The following MYOM1 variants were observed in gnomAD, a reference collection of about 807,000 sequenced individuals.
MYOM1 encodes the protein myomesin-1.
A neutral mutation model predicts 205.3 loss-of-function variants in MYOM1; 164 were observed. That is an observed-to-expected ratio of 0.80 (90% CI 0.70 to 0.91). The LOEUF (loss-of-function observed/expected upper bound fraction) is 0.91, where lower values mean the gene tolerates loss of function less well. Among genes scored for constraint, MYOM1 ranks in the 40% least tolerant of loss-of-function variants. The pLI is 0.00. For missense variants in MYOM1, 2,011 were observed against 2,127.3 expected, an observed-to-expected ratio of 0.95 and a Z score of 1.08; for synonymous variants, 772 against 789.4, an observed-to-expected ratio of 0.98 and a Z score of 0.37.
chr18:3,070,796 C>G (rs1344212521), intron 37 of MYOM1, among the ~76,000 whole-genome samples: 3 of 148,394 alleles, frequency 2.0e-5, no homozygotes, highest in African/African-American at 7.4e-5. Context: ...GTTTGTATGA[C>G]AGGGTGTCTG....
At chr18:3,197,812 G>A (rs551313331) in intron 2 of MYOM1, among the ~76,000 whole-genome samples, 5 of 152,122 alleles carry the variant, frequency 3.3e-5, no homozygotes, top group Admixed American at 1.3e-4. Flanking sequence ...GGCAGAGCTT[G>A]CAGTGAGCCG....
intron 5 of MYOM1, among the ~76,000 whole-genome samples, chr18:3,186,311 G>C (rs2080808610): frequency 6.6e-6 from 1 of 152,154 alleles, no homozygotes; most frequent in Non-Finnish European, 1.5e-5. Flanking sequence ...GAAAAGAAAG[G>C]AGAAGGACGC....
At chr18:3,234,717 G>A in the MYOM1 span, among the ~76,000 whole-genome samples, 20 of 152,166 alleles carry the variant, frequency 1.3e-4, no homozygotes, top group African/African-American at 4.8e-4. Flanking sequence ...CCTAATTATT[G>A]TTCCATTGAA....
At chr18:3,105,030 T>C (rs1325016729) in intron 22 of MYOM1, among the ~76,000 whole-genome samples, 1 of 152,152 alleles carries the variant, frequency 6.6e-6, no homozygotes. Context: ...ATTACAGACA[T>C]GAGCCACTGT....
chr18:3,168,017 A>C (rs1209402678), intron 9 of MYOM1, among the ~76,000 whole-genome samples: 1 of 152,154 alleles, frequency 6.6e-6, no homozygotes. Flanking sequence ...CATTTTATCT[A>C]TTTTTGTGTC....
At chr18:3,210,370 C>T (rs753289409) in intron 2 of MYOM1, among the ~76,000 whole-genome samples, 4 of 152,080 alleles carry the variant, frequency 2.6e-5, no homozygotes, top group African/African-American at 4.8e-5. Flanking sequence ...CTGGGTGACA[C>T]GTGGGAGTGG....
upstream of MYOM1, among the ~76,000 whole-genome samples, chr18:3,224,825 G>A (rs928714249): frequency 6.6e-6 from 1 of 151,654 alleles, no homozygotes; most frequent in African/African-American, 2.4e-5. Flanking sequence ...CACCATGCCC[G>A]GCTAATTTTT....
chr18:3,121,736 G>A (rs1010691559), intron 19 of MYOM1, among the ~76,000 whole-genome samples: 2 of 152,036 alleles, frequency 1.3e-5, no homozygotes, highest in Non-Finnish European at 2.9e-5. Flanking sequence ...AAAGAAACTC[G>A]GAATCTATAA....
At chr18:3,103,275 T>C (rs539605771) in intron 22 of MYOM1, among the ~76,000 whole-genome samples, 14 of 152,342 alleles carry the variant, frequency 9.2e-5, no homozygotes, top group African/African-American at 3.4e-4. Context: ...ATTAGAGTGA[T>C]AGCAACTGAG....
At chr18:3,067,784 G>A (rs2078915200) in intron 37 of MYOM1, among the ~76,000 whole-genome samples, 1 of 152,162 alleles carries the variant, frequency 6.6e-6, no homozygotes, top group Non-Finnish European at 1.5e-5. Context: ...GCCTTTATAT[G>A]CTTTCTGGCT....
intron 37 of MYOM1, among the ~76,000 whole-genome samples, chr18:3,068,101 C>T (rs1022496541): frequency 6.6e-6 from 1 of 152,112 alleles, no homozygotes; most frequent in African/African-American, 2.4e-5. Flanking sequence ...TGGTCCCCTA[C>T]CAAAACGTAT....
chr18:3,129,142 G>C, intron 18 of MYOM1, 90 bp downstream of exon 18: 3 of 1,443,120 alleles, frequency 2.1e-6, no homozygotes, highest in Non-Finnish European at 2.8e-6. Flanking sequence ...ATTGATGAAA[G>C]CAAACATGGA....
intron 25 of MYOM1, among the ~76,000 whole-genome samples, chr18:3,099,264 T>C (rs973697372): frequency 4.6e-5 from 7 of 152,192 alleles, no homozygotes; most frequent in African/African-American, 1.4e-4. Context: ...ACAGTCTCCA[T>C]TGGGGAATTT....
At chr18:3,205,389 A>AT (rs1260053336) in intron 2 of MYOM1, among the ~76,000 whole-genome samples, 1 of 152,180 alleles carries the variant, frequency 6.6e-6, no homozygotes, top group African/African-American at 2.4e-5. Context: ...AAAAAATCCA[A>AT]TTAAAAAATG....
At chr18:3,165,782 T>A (rs2080458925) in intron 9 of MYOM1, among the ~76,000 whole-genome samples, 2 of 152,198 alleles carry the variant, frequency 1.3e-5, no homozygotes, top group Admixed American at 1.3e-4. Context: ...GCTGCCTCCA[T>A]GCCGAGCCCC....
In MYOM1 at chr18:3,164,454, A is replaced by G. The variant is rs1221990245; in HGVS notation, c.1340-15T>C. 1.3e-6 allele frequency: 2 copies of G among 1,567,770 alleles called. No individual in the cohort carries two copies. Among genetic ancestry groups the G allele is most frequent in the Non-Finnish European group, 1.7e-6 (2 of 1,160,604 alleles). On this transcript the variant is annotated splice_polypyrimidine_tract_variant and intron_variant, in intron 9 of 37. Coordinates refer to ENST00000356443, the MANE Select transcript of MYOM1 (RefSeq NM_003803.4). ...AAGAGGTACTCCTAGAAATATTTTA[A>G]AAGTAAGCAAATTAACTTATTTTTG... is the stretch of plus-strand genomic sequence containing the variant.
In MYOM1 at chr18:3,179,852, C is replaced by CTGGA. The variant is rs2080703472; in HGVS notation, c.930-3722_930-3719dup. Among the ~76,000 whole-genome samples the CTGGA allele has an allele frequency of 1.3e-5, 2 of 152,180 alleles. No individual in the cohort carries two copies. Among genetic ancestry groups the CTGGA allele is most frequent in the Admixed American group, 1.3e-4 (2 of 15,288 alleles). On this transcript the variant is annotated intron_variant, in intron 5 of 37. Coordinates refer to ENST00000356443, the MANE Select transcript of MYOM1 (RefSeq NM_003803.4). The surrounding 1 kb of genome is among the most constrained non-coding windows in gnomAD (Gnocchi z 4.4). ...CACTCTGGCTCTGCTCTTTCTTGTG[C>CTGGA]TGGAGGGTTTTCAGTGGTTCCTCTT...
At chr18:3,233,241 T>G in the MYOM1 span, among the ~76,000 whole-genome samples, 1 of 152,246 alleles carries the variant, frequency 6.6e-6, no homozygotes, top group African/African-American at 2.4e-5. Context: ...AACATTCATC[T>G]GGTTGAGTTT....
At chr18:3,080,681 A>G (rs2079074952) in intron 33 of MYOM1, among the ~76,000 whole-genome samples, 2 of 152,076 alleles carry the variant, frequency 1.3e-5, no homozygotes, top group African/African-American at 4.8e-5. Flanking sequence ...CTCAAAAAAA[A>G]AAAAATTTCC....
Sources: gnomAD v4.1 joint callset for allele counts (sites outside exome capture counted in the v4.1 genomes callset) on GRCh38, gnomAD v4.1.1 for gene constraint, Gnocchi (gnomAD v3.1) non-coding constraint, MANE v1.5 for transcripts, NCBI Gene and HGNC (gene_info 2026-07-23, HGNC 2026-07-21) for gene names.